KCNMB2: variants seen among roughly 807,000 people sequenced by gnomAD.
KCNMB2 encodes calcium-activated potassium channel subunit beta-2.
Under a neutral mutation model 24.5 loss-of-function variants are expected in KCNMB2, and 9 were observed. That is an observed-to-expected ratio of 0.37 (90% CI 0.22 to 0.64). The LOEUF (loss-of-function observed/expected upper bound fraction) is 0.64. Ranked by LOEUF, KCNMB2 falls within the 30% of genes least tolerant of loss-of-function variation. The pLI is 0.63. For missense variants in KCNMB2, 226 were observed against 284.3 expected (o/e 0.79, Z 1.47); for synonymous variants, 109 against 104.4 (o/e 1.04, Z -0.27).
At chr3:178,592,775 C>T (rs1040501535) in intron 1 of KCNMB2, among the ~76,000 whole-genome samples, 3 of 152,054 alleles carry the variant, frequency 2.0e-5, no homozygotes, top group African/African-American at 7.3e-5. Context: ...GTTAGCATCA[C>T]TGCAGTGAGG....
chr3:178,601,908 C>T (rs533769629), intron 1 of KCNMB2, among the ~76,000 whole-genome samples: 1 of 152,266 alleles, frequency 6.6e-6, no homozygotes, highest in African/African-American at 2.4e-5. Flanking sequence ...AATTGTCTGA[C>T]CATTTTGAGG....
At chr3:178,814,183 T>C (rs9813809) in intron 2 of KCNMB2, among the ~76,000 whole-genome samples, 82,925 of 151,978 alleles carry the variant, frequency 0.55, 25,684 homozygotes, top group African/African-American at 0.86. Context: ...CCAGTGTCTA[T>C]TGTTTCCAGT....
intron 4 of KCNMB2, among the ~76,000 whole-genome samples, chr3:178,833,932 C>T (rs1356859138): frequency 6.6e-6 from 1 of 152,140 alleles, no homozygotes; most frequent in African/African-American, 2.4e-5. Flanking sequence ...GGCTACAAGG[C>T]TGTCACTAGC....
intron 1 of KCNMB2, among the ~76,000 whole-genome samples, chr3:178,716,030 C>T (rs1252240447): frequency 6.6e-6 from 1 of 152,200 alleles, no homozygotes; most frequent in African/African-American, 2.4e-5. Context: ...TCTTTCCATA[C>T]TGTCAGTTGT....
At chr3:178,712,316 T>C (rs1722478845) in intron 1 of KCNMB2, among the ~76,000 whole-genome samples, 1 of 152,188 alleles carries the variant, frequency 6.6e-6, no homozygotes, top group East Asian at 1.9e-4. Flanking sequence ...TGGATACCTA[T>C]CCCAAGATAT....
intron 1 of KCNMB2, among the ~76,000 whole-genome samples, chr3:178,629,332 C>G (rs1719229970): frequency 6.6e-6 from 1 of 152,140 alleles, no homozygotes; most frequent in Non-Finnish European, 1.5e-5. Context: ...AAACTAAATG[C>G]AATCCTGTAG....
chr3:178,758,641 C>CAAGAGGATATATATATATATATCTCA, intron 1 of KCNMB2, among the ~76,000 whole-genome samples: 1 of 46,402 alleles, frequency 2.2e-5, no homozygotes, highest in Non-Finnish European at 4.2e-5. Flanking sequence ...TCTCTCTCTC[C>CAAGAGGATATATATATATATATCTCA]AAGAGGATAT....
intron 1 of KCNMB2, among the ~76,000 whole-genome samples, chr3:178,693,652 G>A (rs563938282): frequency 2.6e-5 from 4 of 152,288 alleles, no homozygotes; most frequent in African/African-American, 9.6e-5. Flanking sequence ...CTGTTTGCCA[G>A]TATTTTGCTG....
At chr3:178,813,875 T>G (rs56266920) in intron 2 of KCNMB2, among the ~76,000 whole-genome samples, 1 of 151,626 alleles carries the variant, frequency 6.6e-6, no homozygotes, top group Non-Finnish European at 1.5e-5. Context: ...TTGACCAATA[T>G]GAAGATAATT....
At chr3:178,717,648 T>C (rs567774489) in intron 1 of KCNMB2, among the ~76,000 whole-genome samples, 1 of 152,214 alleles carries the variant, frequency 6.6e-6, no homozygotes, top group South Asian at 2.1e-4. Context: ...TCTCAAGAGA[T>C]ACAATAATTC....
intron 1 of KCNMB2, among the ~76,000 whole-genome samples, chr3:178,650,478 T>C (rs9860283): frequency 0.011 from 1,691 of 152,238 alleles, 24 homozygotes; most frequent in African/African-American, 0.039. Context: ...AGTCTACGTC[T>C]TTTTGTAGGT....
intron 1 of KCNMB2, among the ~76,000 whole-genome samples, chr3:178,762,964 G>A (rs116710583): frequency 0.026 from 3,969 of 152,090 alleles, 80 homozygotes; most frequent in Non-Finnish European, 0.038. Context: ...AGAAGTATAT[G>A]TGAGTCTAGA....
chr3:178,715,978 T>A (rs1234677317), intron 1 of KCNMB2, among the ~76,000 whole-genome samples: 2 of 152,206 alleles, frequency 1.3e-5, no homozygotes, highest in African/African-American at 4.8e-5. Flanking sequence ...TCTCTTATGC[T>A]TTATAGGACT....
At chr3:178,551,955 T>C (rs1715967692) in intron 1 of KCNMB2, among the ~76,000 whole-genome samples, 1 of 152,140 alleles carries the variant, frequency 6.6e-6, no homozygotes, top group Non-Finnish European at 1.5e-5. Context: ...GCCCCAGGTG[T>C]GCAGGTCTGG....
At chr3:178,611,168 G>T (rs1441922897) in intron 1 of KCNMB2, among the ~76,000 whole-genome samples, 1 of 151,946 alleles carries the variant, frequency 6.6e-6, no homozygotes, top group Non-Finnish European at 1.5e-5. Flanking sequence ...ACTTATTATT[G>T]GTCTGTTCAT....
intron 1 of KCNMB2, among the ~76,000 whole-genome samples, chr3:178,593,849 G>A (rs1013387416): frequency 2.2e-4 from 32 of 148,684 alleles, no homozygotes; most frequent in African/African-American, 7.5e-4. Flanking sequence ...ACTCTTTATT[G>A]GCTACTCTTT....
chr3:178,614,286 T>G, intron 1 of KCNMB2, among the ~76,000 whole-genome samples: 1 of 115,118 alleles, frequency 8.7e-6, no homozygotes, highest in South Asian at 2.7e-4. Context: ...TATATATATA[T>G]ATATATATAT....
intron 1 of KCNMB2, among the ~76,000 whole-genome samples, chr3:178,752,159 C>A (rs1723873315): frequency 6.6e-6 from 1 of 152,138 alleles, no homozygotes; most frequent in Non-Finnish European, 1.5e-5. Flanking sequence ...GTTCGAGGAG[C>A]TTCCAATCTA....
intron 1 of KCNMB2, among the ~76,000 whole-genome samples, chr3:178,656,343 T>C (rs1362263886): frequency 6.6e-6 from 1 of 152,200 alleles, no homozygotes; most frequent in Non-Finnish European, 1.5e-5. Context: ...AACACTGAAT[T>C]CAAATGATAT....
Sources: allele counts gnomAD v4.1 joint callset (sites outside exome capture counted in the v4.1 genomes callset), GRCh38; gene constraint gnomAD v4.1.1; transcripts MANE v1.5; gene names NCBI Gene and HGNC (gene_info 2026-07-23, HGNC 2026-07-21).